Variants in NLRC4 observed in about 807,000 individuals in gnomAD.
NLRC4 encodes the protein NLR family CARD domain containing 4.
A neutral mutation model predicts 79.9 loss-of-function variants in NLRC4; 63 were observed. The observed-to-expected ratio is 0.79, with a 90% CI of 0.64 to 0.97. The LOEUF is 0.97. Among genes scored for constraint, NLRC4 ranks in the 50% least tolerant of loss-of-function variants. The pLI, the probability that NLRC4 is intolerant of heterozygous loss-of-function variation, is 0.00. For missense variants in NLRC4, 1,074 were observed against 1,215.2 expected (o/e 0.88, Z 1.73); for synonymous variants, 461 against 456.5 (o/e 1.01, Z -0.12).
intron 6 of NLRC4, among the ~76,000 whole-genome samples, chr2:32,236,809 T>G (rs1327586979): frequency 6.6e-6 from 1 of 152,150 alleles, no homozygotes; most frequent in Non-Finnish European, 1.5e-5. Context: ...TTAGATGATT[T>G]TATTGACATA....
chr2:32,250,905 C>G lies in NLRC4; in HGVS notation c.959G>C (p.Gly320Ala). ...REVLIKELAE[G>A]LLLQIQKSRC... ...GGATTTCTGAATTTGGAGCAACAAG[C>G]CTTCAGCAAGCTCCTTGATCAGCAC... Residue 320 changes from glycine to alanine, a missense_variant, in exon 4 of 9, where the codon GGC becomes GCC. Physicochemically the swap from Gly to Ala is moderately conservative, Grantham distance 60 (BLOSUM62 0). Transcript: ENST00000402280. This position sits in a 1 kb window ranked among gnomAD's most constrained non-coding sequence, Gnocchi z 4.9. 1.2e-6 allele frequency: 2 copies of G among 1,614,138 alleles called. No individual in the cohort carries two copies. The highest frequency in any genetic ancestry group is 1.7e-6 in the Non-Finnish European group (2 of 1,180,030).
chr2:32,228,566 A>C (rs1006132233), intron 8 of NLRC4, among the ~76,000 whole-genome samples: 2 of 152,210 alleles, frequency 1.3e-5, no homozygotes, highest in Non-Finnish European at 2.9e-5. Context: ...GGCACTGTAG[A>C]AAACAAGAAA....
At chr2:32,231,507 T>C (rs1686531936) in intron 8 of NLRC4, among the ~76,000 whole-genome samples, 1 of 150,244 alleles carries the variant, frequency 6.7e-6, no homozygotes, top group Admixed American at 6.7e-5. Flanking sequence ...GATAATGTGA[T>C]CTGCAATTTT....
At chr2:32,233,553 A>G (rs1686604076) in intron 8 of NLRC4, among the ~76,000 whole-genome samples, 1 of 151,480 alleles carries the variant, frequency 6.6e-6, no homozygotes. Flanking sequence ...GTCATTCCAG[A>G]GCATGTTGTT....
At chr2:32,236,926 C>A (rs1374852126) in intron 6 of NLRC4, among the ~76,000 whole-genome samples, 1 of 152,118 alleles carries the variant, frequency 6.6e-6, no homozygotes, top group South Asian at 2.1e-4. Flanking sequence ...TACATTAAAT[C>A]TTAATGGACT....
chr2:32,263,986 C>T (rs1046876978), intron 1 of NLRC4, among the ~76,000 whole-genome samples: 6 of 152,116 alleles, frequency 3.9e-5, no homozygotes, highest in South Asian at 2.1e-4. Context: ...GACCCTATCA[C>T]GAAATAGGTG....
intron 5 of NLRC4, among the ~76,000 whole-genome samples, chr2:32,240,185 T>A (rs768865008): frequency 3.9e-5 from 6 of 152,056 alleles, no homozygotes; most frequent in Non-Finnish European, 7.4e-5. Flanking sequence ...TTCACCATGT[T>A]GGCCAGGCTG....
intron 2 of NLRC4, among the ~76,000 whole-genome samples, chr2:32,254,840 A>G (rs1390973603): frequency 1.3e-5 from 2 of 150,878 alleles, no homozygotes; most frequent in East Asian, 3.9e-4. Flanking sequence ...CTGGTCTCGA[A>G]CTCCCGACCT....
At chr2:32,235,684 T>G in intron 7 of NLRC4, 116 bp from the exon 8 acceptor site, 1 of 809,638 alleles carries the variant, frequency 1.2e-6, no homozygotes, top group Non-Finnish European at 1.9e-6. Context: ...CTACTCAATC[T>G]GTAATGAGAA....
At chr2:32,228,858 G>C (rs1367819846) in intron 8 of NLRC4, among the ~76,000 whole-genome samples, 1 of 151,848 alleles carries the variant, frequency 6.6e-6, no homozygotes, top group African/African-American at 2.4e-5. Flanking sequence ...TGCCCCACTG[G>C]CTCAAGTAAG....
chr2:32,256,651 A>C (rs1366991304), intron 2 of NLRC4, 124 bp downstream of exon 2: 2 of 692,160 alleles, frequency 2.9e-6, no homozygotes, highest in South Asian at 3.2e-5. Context: ...CAACAGAAGA[A>C]TATTTATTGG....
chr2:32,248,127 C>T (rs1020645057), intron 4 of NLRC4, among the ~76,000 whole-genome samples: 3 of 151,922 alleles, frequency 2.0e-5, no homozygotes, highest in African/African-American at 7.3e-5. Context: ...GCACTTGTAC[C>T]CCCTATATCT....
At chr2:32,257,537 A>T (rs936973188) in intron 1 of NLRC4, among the ~76,000 whole-genome samples, 4 of 151,212 alleles carry the variant, frequency 2.6e-5, no homozygotes, top group African/African-American at 9.7e-5. Context: ...AGCCCGGGAG[A>T]CGGAGGTTGC....
chr2:32,240,767 A>T (rs980063513), intron 5 of NLRC4, among the ~76,000 whole-genome samples: 1 of 152,242 alleles, frequency 6.6e-6, no homozygotes, highest in African/African-American at 2.4e-5. Context: ...AAATAAAAAC[A>T]TAGCCAATGA....
At position 32,224,481 on chromosome 2, in the gene NLRC4, T is replaced by G; in HGVS notation, c.3067A>C (p.Thr1023Pro). Residue 1023 changes from threonine (T) to proline (P), a missense_variant, in exon 9 of 9, where the codon ACT (threonine) becomes CCT (proline). Transcript: ENST00000402280. ...CTTCGAGTACACTTTATTTAAGCAG[T>G]TACTAGTTTAAAAGCACCTGTAATA... Reference protein sequence around the residue: ...SVITGAFKLVTA With the variant: ...SVITGAFKLVPA 1 of 1,598,244 alleles carries G rather than the reference T, an allele frequency of 6.3e-7. No homozygotes were observed. The highest frequency in any genetic ancestry group is 8.5e-7 in the Non-Finnish European group (1 of 1,172,086).
chr2:32,240,611 A>G (rs1006475708), intron 5 of NLRC4, among the ~76,000 whole-genome samples: 1 of 151,994 alleles, frequency 6.6e-6, no homozygotes, highest in Non-Finnish European at 1.5e-5. Flanking sequence ...GCTTCCCCCA[A>G]AGTTTTCTTG....
intron 5 of NLRC4, among the ~76,000 whole-genome samples, chr2:32,239,570 G>A (rs144254885): frequency 0.012 from 1,759 of 152,220 alleles, 27 homozygotes; most frequent in Non-Finnish European, 0.015. Context: ...TATGTACTAG[G>A]ACTGTTGTGG....
intron 2 of NLRC4, among the ~76,000 whole-genome samples, chr2:32,253,964 C>CAA (rs71407436): frequency 0.019 from 2,100 of 107,718 alleles, 58 homozygotes; most frequent in African/African-American, 0.024. Flanking sequence ...AACTCTGTCT[C>CAA]AAAAAAAAAA....
intron 8 of NLRC4, among the ~76,000 whole-genome samples, chr2:32,231,958 G>A (rs1210029480): frequency 6.6e-6 from 1 of 152,156 alleles, no homozygotes; most frequent in African/African-American, 2.4e-5. Flanking sequence ...TCATGCTTAT[G>A]ACGATTTCTC....
Sources: gnomAD v4.1 joint callset for allele counts (sites outside exome capture counted in the v4.1 genomes callset) on GRCh38, gnomAD v4.1.1 for gene constraint, Gnocchi (gnomAD v3.1) non-coding constraint, MANE v1.5 for transcripts, NCBI Gene and HGNC (gene_info 2026-07-23, HGNC 2026-07-21) for gene names.